The following DNAH6 variants were observed in gnomAD, a reference collection of about 807,000 sequenced individuals.
DNAH6 encodes axonemal beta dynein heavy chain 6.
In DNAH6, 340 loss-of-function variants were observed where a neutral mutation model predicts 491.4. That is an observed-to-expected ratio of 0.69 (90% CI 0.63 to 0.76). The LOEUF is 0.76. DNAH6 is among the 30% of genes least tolerant of loss of function. The pLI, the probability that DNAH6 is intolerant of heterozygous loss-of-function variation, is 0.00. For missense variants in DNAH6, 4,443 were observed against 4,972.2 expected (o/e 0.89, Z 3.20); for synonymous variants, 1,603 against 1,686.1 (o/e 0.95, Z 1.21).
intron 64 of DNAH6, among the ~76,000 whole-genome samples, chr2:84,776,618 A>C (rs1390694376): frequency 6.6e-6 from 1 of 152,192 alleles, no homozygotes; most frequent in Non-Finnish European, 1.5e-5. Context: ...GTCTTCCACA[A>C]TGGTTGAACT....
the DNAH6 span, among the ~76,000 whole-genome samples, chr2:84,502,414 T>C: frequency 6.6e-6 from 1 of 152,206 alleles, no homozygotes; most frequent in Non-Finnish European, 1.5e-5. Context: ...AAAAATGTTT[T>C]CAGGCTTGTC....
intron 39 of DNAH6, among the ~76,000 whole-genome samples, chr2:84,671,770 C>T (rs1692762575): frequency 1.3e-5 from 2 of 152,300 alleles, no homozygotes; most frequent in East Asian, 1.9e-4. Context: ...CATCGGGTTT[C>T]TCTTTCCTCT....
chr2:84,537,794 A>T (rs1005592901), intron 4 of DNAH6, among the ~76,000 whole-genome samples: 1 of 152,098 alleles, frequency 6.6e-6, no homozygotes, highest in African/African-American at 2.4e-5. Context: ...TATTTCAATT[A>T]TATAAATTCA....
At chr2:84,462,691 C>T in the DNAH6 span, among the ~76,000 whole-genome samples, 1 of 152,206 alleles carries the variant, frequency 6.6e-6, no homozygotes, top group African/African-American at 2.4e-5. Context: ...TGCAGAAATT[C>T]ATGAGTCCAC....
the DNAH6 span, among the ~76,000 whole-genome samples, chr2:84,479,887 A>G: frequency 2.6e-5 from 4 of 152,238 alleles, no homozygotes; most frequent in African/African-American, 9.6e-5. Flanking sequence ...TCCACCATTC[A>G]TCTTCTTCAG....
intron 24 of DNAH6, among the ~76,000 whole-genome samples, chr2:84,620,988 T>C (rs751534224): frequency 6.6e-6 from 1 of 152,176 alleles, no homozygotes; most frequent in Non-Finnish European, 1.5e-5. Flanking sequence ...TTCAGGGAGT[T>C]GACTCCAAGT....
intron 4 of DNAH6, among the ~76,000 whole-genome samples, chr2:84,533,170 A>G (rs1677340911): frequency 6.6e-6 from 1 of 152,278 alleles, no homozygotes; most frequent in African/African-American, 2.4e-5. Context: ...GCTCAGAGAC[A>G]ACATTCACAT....
intron 48 of DNAH6, among the ~76,000 whole-genome samples, chr2:84,700,409 A>G (rs1695790611): frequency 6.6e-6 from 1 of 152,122 alleles, no homozygotes; most frequent in African/African-American, 2.4e-5. Flanking sequence ...TTTCATTGCT[A>G]TTGTTTTTTA....
Position 84,634,572 on chromosome 2 carries a change from A to G in DNAH6, c.4584A>G (p.Arg1528=). The stretch of plus-strand genomic sequence containing the variant: ...GGTGCTGCTTTGATGAATTTAATCG[A>G]ATTGACATAGAAGTTCTGTCCGTCA... ...GAWCCFDEFN[R]IDIEVLSVIA... is the part of the protein sequence containing the mutation. Residue 1528 remains arginine (R), a synonymous_variant, in exon 30 of 77, where the codon CGA becomes CGG. Transcript: ENST00000389394. The G allele has an allele frequency of 6.4e-7, 1 of 1,550,648 alleles. No homozygotes were observed. The highest frequency in any genetic ancestry group is 8.7e-7 in the Non-Finnish European group (1 of 1,146,544).
At chr2:84,644,250 C>T (rs189610921) in intron 33 of DNAH6, among the ~76,000 whole-genome samples, 2 of 152,260 alleles carry the variant, frequency 1.3e-5, no homozygotes, top group Admixed American at 1.3e-4. Context: ...TGTTTCCCCT[C>T]CCCCGGATCT....
intron 76 of DNAH6, 54 bp downstream of exon 76, chr2:84,816,137 A>G: frequency 2.1e-6 from 3 of 1,407,998 alleles, no homozygotes; most frequent in Non-Finnish European, 2.9e-6. Flanking sequence ...ATCTTCAATC[A>G]AAGTCCAAAC....
chr2:84,784,612 C>A, intron 65 of DNAH6, 110 bp from the exon 66 acceptor site: 2 of 687,202 alleles, frequency 2.9e-6, no homozygotes, highest in South Asian at 1.9e-5. Flanking sequence ...GATCTTTAAA[C>A]AAAGCTTATA....
chr2:84,806,067 G>T (rs1040431416), intron 71 of DNAH6, among the ~76,000 whole-genome samples: 6 of 152,080 alleles, frequency 3.9e-5, no homozygotes, highest in Non-Finnish European at 1.5e-5. Flanking sequence ...TTATTCTACT[G>T]TCTCTAGACC....
chr2:84,616,907 A>G lies in DNAH6; in HGVS notation c.3497A>G (p.Asn1166Ser). Residue 1166 changes from asparagine (N) to serine (S), a missense_variant, in exon 23 of 77, where the codon AAC becomes AGC. By Grantham distance (46) the Asn-to-Ser change is conservative. Around this residue, in one of 3 missense-constraint regions of DNAH6, gnomAD observed 2,977 missense variants for 3,296.6 expected, o/e 0.90. Coordinates refer to ENST00000389394, the MANE Select transcript of DNAH6 (RefSeq NM_001370.2). Reference protein sequence around the residue: ...TQPGLLETFQNNNALLDQIQK... With the variant: ...TQPGLLETFQSNNALLDQIQK... Reference sequence around the variant, plus strand: ...ACAGGACTTCTGGAAACTTTTCAAAACAATAATGCATTACTTGACCAAATT... The same window carrying G: ...ACAGGACTTCTGGAAACTTTTCAAAGCAATAATGCATTACTTGACCAAATT... The G allele has an allele frequency of 6.7e-7, 1 of 1,484,998 alleles. No individual in the cohort carries two copies. Among genetic ancestry groups the G allele is most frequent in the South Asian group, 1.5e-5 (1 of 68,542 alleles). The allele number at this position is 1,484,998 out of a possible 1,614,324, so 92.0% of individuals were successfully genotyped here.
At chr2:84,498,727 T>A in the DNAH6 span, among the ~76,000 whole-genome samples, 1 of 152,150 alleles carries the variant, frequency 6.6e-6, no homozygotes, top group African/African-American at 2.4e-5. Flanking sequence ...CTTTTTTTTT[T>A]TTAAATAGCA....
chr2:84,623,055 C>A (rs1425890856), intron 26 of DNAH6, among the ~76,000 whole-genome samples: 1 of 152,038 alleles, frequency 6.6e-6, no homozygotes, highest in Non-Finnish European at 1.5e-5. Flanking sequence ...GTTGTAGGAG[C>A]AATTAGACCC....
At chr2:84,662,373 C>G (rs563381099) in intron 37 of DNAH6, among the ~76,000 whole-genome samples, 88 of 152,278 alleles carry the variant, frequency 5.8e-4, no homozygotes, top group African/African-American at 2.0e-3. Context: ...CCGTGACAGG[C>G]AGTACCTGGA....
intron 27 of DNAH6, 25 bp from the exon 28 acceptor site, chr2:84,624,440 T>C (rs1330386335): frequency 2.6e-6 from 4 of 1,548,854 alleles, no homozygotes; most frequent in Non-Finnish European, 3.5e-6. Context: ...GAAATTAGTG[T>C]ATCTAATATG....
chr2:84,552,728 G>A (rs1420571669), intron 9 of DNAH6, among the ~76,000 whole-genome samples, 190 bp from the exon 10 acceptor site: 2 of 152,022 alleles, frequency 1.3e-5, no homozygotes, highest in Non-Finnish European at 2.9e-5. Context: ...GGTTTACATT[G>A]TTATGTAGTC....
Sources: allele counts gnomAD v4.1 joint callset (sites outside exome capture counted in the v4.1 genomes callset), GRCh38; gene constraint gnomAD v4.1.1; regional missense constraint gnomAD v4.1.1; transcripts MANE v1.5; gene names NCBI Gene and HGNC (gene_info 2026-07-23, HGNC 2026-07-21).